Variants in EBF2 observed in about 807,000 individuals in gnomAD.
EBF2 encodes the protein transcription factor COE2.
In EBF2, 21 loss-of-function variants were observed where a neutral mutation model predicts 72.8. That is an observed-to-expected ratio of 0.29 (90% CI 0.20 to 0.42). EBF2 has a LOEUF of 0.42. Ranked by LOEUF, EBF2 falls within the 10% of genes least tolerant of loss-of-function variation. The pLI is 1.00. For missense variants in EBF2, 637 were observed against 731.2 expected (o/e 0.87, Z 1.49); for synonymous variants, 299 against 274.2 (o/e 1.09, Z -0.89).
chr8:26,041,920 G>A (rs934606933), intron 2 of EBF2, among the ~76,000 whole-genome samples, 175 bp downstream of exon 2: 8 of 152,318 alleles, frequency 5.3e-5, no homozygotes, highest in Non-Finnish European at 8.8e-5. Context: ...GGGGGAGTCG[G>A]GGTGGGAGGA....
chr8:25,965,498 G>A (rs1804100800), intron 6 of EBF2, among the ~76,000 whole-genome samples: 1 of 152,088 alleles, frequency 6.6e-6, no homozygotes, highest in African/African-American at 2.4e-5. Context: ...TTTCTCAGTT[G>A]CCAAAAATAA....
intron 10 of EBF2, among the ~76,000 whole-genome samples, chr8:25,881,967 C>A (rs1328380697): frequency 2.0e-5 from 3 of 152,170 alleles, no homozygotes; most frequent in Admixed American, 1.3e-4. Context: ...AGAACTACCT[C>A]CTCTCGATAA....
intron 14 of EBF2, among the ~76,000 whole-genome samples, chr8:25,854,283 G>A (rs1312149606): frequency 6.7e-6 from 1 of 149,192 alleles, no homozygotes; most frequent in East Asian, 1.9e-4. Context: ...TCACATTCCT[G>A]GGAAACACTT....
At chr8:25,955,019 C>T (rs1178172541) in intron 6 of EBF2, among the ~76,000 whole-genome samples, 1 of 152,198 alleles carries the variant, frequency 6.6e-6, no homozygotes, top group Non-Finnish European at 1.5e-5. Flanking sequence ...AACAAGGCGC[C>T]CAGGGGCTGC....
intron 10 of EBF2, among the ~76,000 whole-genome samples, chr8:25,871,974 G>C (rs190728562): frequency 6.7e-6 from 1 of 149,074 alleles, no homozygotes; most frequent in Non-Finnish European, 1.5e-5. Flanking sequence ...AAAAAAAAAA[G>C]CTGGCTGGTG....
At chr8:26,018,496 C>CAAAAAAA (rs10555042) in intron 6 of EBF2, among the ~76,000 whole-genome samples, 36 of 81,610 alleles carry the variant, frequency 4.4e-4, no homozygotes, top group South Asian at 1.4e-3. Context: ...ACTAAAAATA[C>CAAAAAAA]AAAAAAAAAA....
chr8:25,934,268 CACACACA>C (rs1803537288), intron 6 of EBF2, among the ~76,000 whole-genome samples: 1 of 142,080 alleles, frequency 7.0e-6, no homozygotes, highest in Non-Finnish European at 1.5e-5. Flanking sequence ...CACACACACA[CACACACA>C]CCAATCTTGT....
At chr8:25,888,737 T>C (rs1402101612) in intron 8 of EBF2, among the ~76,000 whole-genome samples, 1 of 152,180 alleles carries the variant, frequency 6.6e-6, no homozygotes, top group Admixed American at 6.5e-5. Flanking sequence ...AGGAACCCAA[T>C]ATGGTTTTCA....
chr8:26,004,233 C>G (rs1393214150), intron 6 of EBF2, among the ~76,000 whole-genome samples: 1 of 152,122 alleles, frequency 6.6e-6, no homozygotes, highest in Non-Finnish European at 1.5e-5. Context: ...ACCATAATTT[C>G]AAGCCCAGTG....
chr8:26,041,455 G>A (rs1805599607), intron 2 of EBF2: 1 of 190,856 alleles, frequency 5.2e-6, no homozygotes, highest in African/African-American at 2.3e-5. Context: ...CTCAGGGACT[G>A]AGTTCCAGGT....
chr8:25,991,567 C>T (rs964429722), intron 6 of EBF2, among the ~76,000 whole-genome samples: 1 of 152,120 alleles, frequency 6.6e-6, no homozygotes, highest in Admixed American at 6.6e-5. Flanking sequence ...AGAGGACTGC[C>T]GGGTGCAGTG....
chr8:25,858,464 G>A lies in EBF2; in HGVS notation c.1383C>T (p.Tyr461=). ...ACTGTTGAGGCGTGGAGCTGGAAGA[G>A]TATCCCCGCGGAGAGATGCTGCTTG... is the stretch of plus-strand genomic sequence containing the variant. The part of the protein sequence containing the change: ...RNTSSISPRG[Y]SSSSTPQQSN... The change falls in exon 14 of 16, where the codon TAC becomes TAT. Residue 461 remains tyrosine, a synonymous_variant. Transcript: ENST00000520164. 6.2e-7 allele frequency: 1 copy of A among 1,614,002 alleles called. No individual in the cohort carries two copies. Among genetic ancestry groups the A allele is most frequent in the Non-Finnish European group, 8.5e-7 (1 of 1,180,002 alleles).
intron 15 of EBF2, among the ~76,000 whole-genome samples, chr8:25,848,477 G>A (rs1585255144): frequency 6.6e-6 from 1 of 152,238 alleles, no homozygotes; most frequent in East Asian, 1.9e-4. Context: ...CTTTGGGCTG[G>A]CTCAAACCTG....
intron 15 of EBF2, among the ~76,000 whole-genome samples, chr8:25,850,157 G>C (rs1269940265): frequency 6.6e-6 from 1 of 152,184 alleles, no homozygotes; most frequent in African/African-American, 2.4e-5. Flanking sequence ...TTGTTGCCCA[G>C]GCTGGAGTGC....
chr8:26,028,641 A>C (rs17054777), intron 6 of EBF2, among the ~76,000 whole-genome samples: 2 of 152,130 alleles, frequency 1.3e-5, no homozygotes, highest in African/African-American at 4.8e-5. Flanking sequence ...AACCTGCCAG[A>C]TAGAGAAGAG....
At chr8:25,886,629 A>G (rs993334541) in intron 10 of EBF2, 126 bp downstream of exon 10, 11 of 1,145,854 alleles carry the variant, frequency 9.6e-6, no homozygotes, top group Admixed American at 2.6e-5. Context: ...TCTATCACTC[A>G]GCTCACTCTT....
intron 7 of EBF2, among the ~76,000 whole-genome samples, chr8:25,908,123 T>C (rs1455128401): frequency 6.6e-6 from 1 of 152,084 alleles, no homozygotes; most frequent in Non-Finnish European, 1.5e-5. Flanking sequence ...TTGCAGAAAA[T>C]ACAGAGAAGC....
chr8:25,891,406 TACTC>T lies in EBF2; in HGVS notation c.634-1541_634-1538del, dbSNP rs149109804. On this transcript the variant is annotated intron_variant, in intron 7 of 15. Coordinates refer to ENST00000520164, the MANE Select transcript of EBF2 (RefSeq NM_022659.4). ...AAAAAAAAAGAACTTATTATATACA[TACTC>T]ACAAACATGTGTAGACCTTTTGAGG... Among the ~76,000 whole-genome samples, 588 of 152,202 alleles carry T rather than the reference TACTC, an allele frequency of 3.9e-3. 4 individuals are homozygous for T. Among genetic ancestry groups the T allele is most frequent in the African/African-American group, 0.013 (548 of 41,536 alleles).
At chr8:26,026,790 A>G (rs901922911) in intron 6 of EBF2, among the ~76,000 whole-genome samples, 43 of 152,008 alleles carry the variant, frequency 2.8e-4, no homozygotes, top group African/African-American at 1.0e-3. Flanking sequence ...ATTACACCAA[A>G]ATCTTTCTCT....
Sources: allele counts gnomAD v4.1 joint callset (sites outside exome capture counted in the v4.1 genomes callset), GRCh38; gene constraint gnomAD v4.1.1; transcripts MANE v1.5; gene names NCBI Gene and HGNC (gene_info 2026-07-23, HGNC 2026-07-21).